The following ZDHHC14 variants were observed in gnomAD, a reference collection of about 807,000 sequenced individuals.
ZDHHC14 encodes the protein palmitoyltransferase ZDHHC14.
In ZDHHC14, 16 loss-of-function variants were observed where a neutral mutation model predicts 47.7. The ratio of observed to expected loss-of-function variants is 0.34; its 90% confidence interval spans 0.23 to 0.51. The LOEUF is 0.51. ZDHHC14 is among the 20% of genes least tolerant of loss of function. ZDHHC14 has a pLI of 0.97. For missense variants in ZDHHC14, 515 were observed against 662.5 expected, an observed-to-expected ratio of 0.78 and a Z score of 2.44; for synonymous variants, 293 against 278.9, an observed-to-expected ratio of 1.05 and a Z score of -0.50.
chr6:157,387,413 T>C (rs2114731348), intron 1 of ZDHHC14, among the ~76,000 whole-genome samples: 1 of 152,326 alleles, frequency 6.6e-6, no homozygotes, highest in Non-Finnish European at 1.5e-5. Flanking sequence ...AATAACCCCA[T>C]ATTTTCTTAC....
chr6:157,439,935 CACTT>C (rs905412283), intron 1 of ZDHHC14, among the ~76,000 whole-genome samples: 3 of 152,012 alleles, frequency 2.0e-5, no homozygotes, highest in Admixed American at 6.6e-5. Flanking sequence ...CGCATGTTCT[CACTT>C]ACATATGGGA....
intron 2 of ZDHHC14, among the ~76,000 whole-genome samples, chr6:157,572,651 C>T (rs1261805067): frequency 1.6e-5 from 2 of 124,630 alleles, no homozygotes; most frequent in African/African-American, 6.1e-5. Flanking sequence ...CCCCGCCCCC[C>T]ACCCCACAAC....
At chr6:157,576,865 AT>A (rs899908783) in intron 2 of ZDHHC14, among the ~76,000 whole-genome samples, 8 of 151,986 alleles carry the variant, frequency 5.3e-5, no homozygotes, top group African/African-American at 1.2e-4. Flanking sequence ...TAAGGAAAGA[AT>A]TTTTTTTTAA....
At chr6:157,647,713 T>C (rs1457610763) in intron 7 of ZDHHC14, among the ~76,000 whole-genome samples, 3 of 152,202 alleles carry the variant, frequency 2.0e-5, no homozygotes, top group Non-Finnish European at 4.4e-5. Context: ...ACAGGACACA[T>C]GTGCAGGAAG....
At chr6:157,397,393 G>C (rs1349054481) in intron 1 of ZDHHC14, among the ~76,000 whole-genome samples, 4 of 152,134 alleles carry the variant, frequency 2.6e-5, no homozygotes, top group African/African-American at 9.7e-5. Flanking sequence ...GTGTCAGCAG[G>C]GCTGTGTTCC....
At chr6:157,405,302 G>C (rs1347905999) in intron 1 of ZDHHC14, among the ~76,000 whole-genome samples, 1 of 152,074 alleles carries the variant, frequency 6.6e-6, no homozygotes, top group East Asian at 1.9e-4. Context: ...GCGCGATCTC[G>C]GTTCACTGCA....
intron 3 of ZDHHC14, among the ~76,000 whole-genome samples, chr6:157,620,599 C>T (rs187994916): frequency 1.3e-5 from 2 of 152,352 alleles, no homozygotes; most frequent in African/African-American, 4.8e-5. Flanking sequence ...GGGTGGATAT[C>T]TCCACACATG....
intron 2 of ZDHHC14, among the ~76,000 whole-genome samples, chr6:157,585,868 G>A (rs1422459296): frequency 6.6e-6 from 1 of 152,234 alleles, no homozygotes; most frequent in Non-Finnish European, 1.5e-5. Flanking sequence ...GGTGTCCTCT[G>A]CAAGTGAGGG....
At chr6:157,496,351 C>T (rs1205333790) in intron 1 of ZDHHC14, among the ~76,000 whole-genome samples, 1 of 151,786 alleles carries the variant, frequency 6.6e-6, no homozygotes, top group Non-Finnish European at 1.5e-5. Context: ...CTGGTCCCCT[C>T]CCACATTGGG....
chr6:157,509,983 G>A (rs1383392440), intron 1 of ZDHHC14, among the ~76,000 whole-genome samples: 2 of 152,180 alleles, frequency 1.3e-5, no homozygotes, highest in Admixed American at 6.5e-5. Flanking sequence ...GGTGGCTCAC[G>A]CCTGTAATCC....
chr6:157,570,241 G>C (rs1458540874), intron 2 of ZDHHC14, among the ~76,000 whole-genome samples: 1 of 152,194 alleles, frequency 6.6e-6, no homozygotes, highest in Non-Finnish European at 1.5e-5. Context: ...GATTTTCCTG[G>C]TGATAATGGT....
intron 3 of ZDHHC14, among the ~76,000 whole-genome samples, chr6:157,617,275 AAC>A (rs1785003775): frequency 6.6e-6 from 1 of 152,242 alleles, no homozygotes; most frequent in African/African-American, 2.4e-5. Flanking sequence ...TGAGGAAAGA[AAC>A]ACAGATATAT....
intron 1 of ZDHHC14, among the ~76,000 whole-genome samples, chr6:157,495,795 C>T (rs867203779): frequency 4.7e-5 from 7 of 150,154 alleles, no homozygotes; most frequent in Non-Finnish European, 8.9e-5. Context: ...ACCTCCGCCT[C>T]CCGGCTTCAA....
intron 1 of ZDHHC14, among the ~76,000 whole-genome samples, chr6:157,511,309 T>G (rs1357065190): frequency 6.6e-6 from 1 of 152,206 alleles, no homozygotes. Flanking sequence ...TTCCATTTTC[T>G]GTAAACTACA....
At chr6:157,528,899 TG>T (rs1329203974) in intron 1 of ZDHHC14, among the ~76,000 whole-genome samples, 2 of 145,610 alleles carry the variant, frequency 1.4e-5, no homozygotes, top group African/African-American at 5.1e-5. Flanking sequence ...AGATGAAGAC[TG>T]GGGGTGGGAG....
chr6:157,440,494 T>G (rs1238241793), intron 1 of ZDHHC14, among the ~76,000 whole-genome samples: 1 of 152,192 alleles, frequency 6.6e-6, no homozygotes, highest in East Asian at 1.9e-4. Context: ...AGAAAACACT[T>G]TGGAGGTTCC....
intron 1 of ZDHHC14, among the ~76,000 whole-genome samples, chr6:157,408,578 C>G (rs11757777): frequency 0.86 from 131,613 of 152,194 alleles, 57,069 homozygotes; most frequent in Middle Eastern, 0.95. Context: ...GCATTAATTT[C>G]CTGAAGCTCC....
chr6:157,559,870 T>A (rs544534695), intron 2 of ZDHHC14, among the ~76,000 whole-genome samples: 18 of 152,166 alleles, frequency 1.2e-4, no homozygotes, highest in South Asian at 4.2e-4. Context: ...ATGGAAAAAA[T>A]TCACTGTGAA....
chr6:157,639,974 G>T (rs564809867), intron 5 of ZDHHC14, among the ~76,000 whole-genome samples: 1 of 152,312 alleles, frequency 6.6e-6, no homozygotes, highest in African/African-American at 2.4e-5. Context: ...AAAATCAGCT[G>T]CTTATCAATG....
Sources: allele counts gnomAD v4.1 joint callset (sites outside exome capture counted in the v4.1 genomes callset), GRCh38; gene constraint gnomAD v4.1.1; transcripts MANE v1.5; gene names NCBI Gene and HGNC (gene_info 2026-07-23, HGNC 2026-07-21).